MTTP: variants seen among roughly 807,000 people sequenced by gnomAD.
MTTP encodes microsomal triglyceride transfer protein large subunit.
MTTP carries 49 observed loss-of-function variants against 90.6 expected under a neutral mutation model. The observed-to-expected ratio is 0.54, with a 90% confidence interval of 0.43 to 0.69. MTTP has a LOEUF of 0.69. Ranked by LOEUF, MTTP falls within the 30% of genes least tolerant of loss-of-function variation. The probability of loss-of-function intolerance (pLI) is 0.00; values close to 1 mark genes in which losing one functional copy is unlikely to be tolerated. For missense variants in MTTP, 945 were observed against 1,067.5 expected, an observed-to-expected ratio of 0.89 and a Z score of 1.60; for synonymous variants, 347 against 384.2, an observed-to-expected ratio of 0.90 and a Z score of 1.13.
Position 99,606,107 on chromosome 4 carries a change from G to T in MTTP, c.1345-641G>T, listed in dbSNP as rs139205642. The stretch of plus-strand genomic sequence containing the variant: ...ACCCAGATGTCCCTATTTCTAATTT[G>T]CTTTCCCATTAAACTATTAACTTAC... On this transcript the variant is annotated intron_variant, in intron 10 of 17. Transcript: ENST00000265517. Among the ~76,000 whole-genome samples, 435 of 152,186 alleles carry T rather than the reference G, an allele frequency of 2.9e-3. 1 individual carries two copies. Among genetic ancestry groups the T allele is most frequent in the Non-Finnish European group, 4.6e-3 (315 of 68,012 alleles).
intron 6 of MTTP, 75 bp from the exon 7 acceptor site, chr4:99,594,657 CA>C: frequency 1.3e-6 from 2 of 1,556,334 alleles, no homozygotes; most frequent in African/African-American, 2.7e-5. Flanking sequence ...TCTTGTTTGC[CA>C]AAAGAATGGC....
intron 16 of MTTP, among the ~76,000 whole-genome samples, chr4:99,620,079 C>T (rs1726193098): frequency 1.3e-5 from 2 of 152,084 alleles, no homozygotes; most frequent in South Asian, 4.1e-4. Flanking sequence ...AAGAATCTAC[C>T]CTTATCCATA....
chr4:99,574,294 G>T (rs1321556731), upstream of MTTP, among the ~76,000 whole-genome samples: 1 of 152,272 alleles, frequency 6.6e-6, no homozygotes, highest in Admixed American at 6.5e-5. Flanking sequence ...TTTCATGAAA[G>T]TTCTATCTAC....
chr4:99,596,764 T>A (rs972659715), intron 7 of MTTP, among the ~76,000 whole-genome samples: 37 of 152,198 alleles, frequency 2.4e-4, no homozygotes, highest in African/African-American at 8.7e-4. Flanking sequence ...CTCGGATAAA[T>A]TCCCTTGGTG....
At chr4:99,601,823 CT>C in intron 10 of MTTP, 109 bp downstream of exon 10, 1 of 868,800 alleles carries the variant, frequency 1.2e-6, no homozygotes, top group Non-Finnish European at 1.9e-6. Flanking sequence ...CTCTATTCTA[CT>C]TACCTTATTT....
At chr4:99,584,157 T>C (rs145541799) in intron 3 of MTTP, 5 of 152,276 alleles carry the variant, frequency 3.3e-5, no homozygotes, top group African/African-American at 1.2e-4. Context: ...TTCTAGTCAA[T>C]TGAAATGGTC....
intron 6 of MTTP, among the ~76,000 whole-genome samples, chr4:99,592,895 C>T (rs148766065): frequency 0.023 from 3,549 of 152,184 alleles, 109 homozygotes; most frequent in Middle Eastern, 0.1. Context: ...ATGTATTGTA[C>T]GTAACTGCAC....
rs148649333 is a variant in MTTP, at chr4:99,617,357, A to G, written c.2218-1617A>G. ...CAGACTGAAAGTAGCTTCATGCCGC[A>G]ACCGTACTTTTTTAATACACCTGGT... On this transcript the variant is annotated intron_variant, in intron 15 of 17. Transcript: ENST00000265517. Among the ~76,000 whole-genome samples, 907 of 152,268 alleles carry G rather than the reference A, an allele frequency of 6.0e-3. 6 individuals carry two copies. Among genetic ancestry groups the G allele is most frequent in the Non-Finnish European group, 8.9e-3 (606 of 68,032 alleles).
intron 4 of MTTP, among the ~76,000 whole-genome samples, chr4:99,590,049 T>A (rs894904006): frequency 6.6e-6 from 1 of 152,070 alleles, no homozygotes; most frequent in Non-Finnish European, 1.5e-5. Flanking sequence ...AAATATAGAT[T>A]CCCTATATTC....
intron 4 of MTTP, 69 bp from the exon 5 acceptor site, chr4:99,591,166 C>G: frequency 8.6e-7 from 1 of 1,161,318 alleles, no homozygotes; most frequent in Non-Finnish European, 1.3e-6. Context: ...AATTTTCAAG[C>G]CACTTCTCAC....
intron 17 of MTTP, 43 bp downstream of exon 17, chr4:99,621,274 T>G: frequency 6.3e-7 from 1 of 1,599,940 alleles, no homozygotes; most frequent in Middle Eastern, 1.7e-4. Flanking sequence ...CCATCCCCAG[T>G]GCACCAGGAA....
chr4:99,606,753 A>G lies in MTTP; in HGVS notation c.1350A>G (p.Val450=), dbSNP rs1214267409. 1 of 1,613,352 alleles carries G rather than the reference A, an allele frequency of 6.2e-7. No homozygotes were observed. The highest frequency in any genetic ancestry group is 8.5e-7 in the Non-Finnish European group (1 of 1,179,846). The change falls in exon 11 of 18, where the codon GTA becomes GTG. Residue 450 remains valine, a synonymous_variant. Coordinates refer to ENST00000265517, the MANE Select transcript of MTTP (RefSeq NM_001386140.1). ...TAAGGTATATGATTTTTCAGGCAGT[A>G]GTGGAAGCTAAGAAGTTAATCCTGG... ...CQNEGCKLKA[V]VEAKKLILGG...
chr4:99,583,361 T>C lies in MTTP; in HGVS notation c.250-13T>C. On this transcript the variant is annotated splice_polypyrimidine_tract_variant and intron_variant, in intron 2 of 17. Transcript: ENST00000265517. ...GGAAGTTTTTTTTAACAGCTTTCTTTCTGTTACTCCAGATGAAGGATGTAA... is the reference window on the plus strand; with the variant it reads ...GGAAGTTTTTTTTAACAGCTTTCTTCCTGTTACTCCAGATGAAGGATGTAA... 1 of 1,612,560 alleles carries C rather than the reference T, an allele frequency of 6.2e-7. No homozygotes were observed. The highest frequency in any genetic ancestry group is 8.5e-7 in the Non-Finnish European group (1 of 1,179,450).
At position 99,588,661 on chromosome 4, in the gene MTTP, C is replaced by G. The variant is rs749853582; in HGVS notation, c.394-982C>G. On this transcript the variant is annotated intron_variant, in intron 3 of 17. Coordinates refer to ENST00000265517, the MANE Select transcript of MTTP (RefSeq NM_001386140.1). ...GCAGGTTATGCAGCAGTAGCAATCT[C>G]AACCTCAAATTTTCCAGCCTTCTGA... Among the ~76,000 whole-genome samples the G allele has an allele frequency of 5.1e-4, 76 of 150,420 alleles. 1 individual carries two copies. The highest frequency in any genetic ancestry group is 9.6e-4 in the Non-Finnish European group (65 of 67,688).
chr4:99,608,184 C>T (rs1005200856), intron 11 of MTTP, among the ~76,000 whole-genome samples: 8 of 152,158 alleles, frequency 5.3e-5, no homozygotes, highest in African/African-American at 1.4e-4. Flanking sequence ...TGGTGGCTCA[C>T]GCCTGTAATC....
intron 6 of MTTP, among the ~76,000 whole-genome samples, chr4:99,592,192 T>C (rs1725443702): frequency 6.6e-6 from 1 of 152,174 alleles, no homozygotes; most frequent in South Asian, 2.1e-4. Context: ...TCATAAAAGG[T>C]ACATAAGTGA....
intron 1 of MTTP, among the ~76,000 whole-genome samples, chr4:99,579,718 G>T (rs1725052539): frequency 6.6e-6 from 1 of 152,032 alleles, no homozygotes; most frequent in Non-Finnish European, 1.5e-5. Context: ...AATTTACAAA[G>T]GGTATTAAAT....
At position 99,611,211 on chromosome 4, in the gene MTTP, C is replaced by T; in HGVS notation, c.1838C>T (p.Ser613Phe). The T allele has an allele frequency of 4.3e-6, 7 of 1,613,980 alleles. No homozygotes were observed. Among genetic ancestry groups the T allele is most frequent in the Non-Finnish European group, 5.9e-6 (7 of 1,179,930 alleles). The stretch of plus-strand genomic sequence containing the variant: ...TATGACCGTTTCTCCAGGAGTGGAT[C>T]TTCTTCTGCCTACACTGGCTACATA... ...HNYDRFSRSGSSSAYTGYIER... is the reference protein window; with the variant it reads ...HNYDRFSRSGFSSAYTGYIER... Residue 613 changes from serine (S) to phenylalanine (F), a missense_variant, in exon 13 of 18, where the codon TCT becomes TTT. Transcript: ENST00000265517.
chr4:99,595,840 A>G (rs1725539770), intron 7 of MTTP, among the ~76,000 whole-genome samples: 1 of 151,974 alleles, frequency 6.6e-6, no homozygotes, highest in Non-Finnish European at 1.5e-5. Flanking sequence ...GGTGGCTAAT[A>G]AAACTAAACT....
Sources: allele counts gnomAD v4.1 joint callset (sites outside exome capture counted in the v4.1 genomes callset), GRCh38; gene constraint gnomAD v4.1.1; transcripts MANE v1.5; gene names NCBI Gene and HGNC (gene_info 2026-07-23, HGNC 2026-07-21).